Variants in MAP2 observed in about 807,000 individuals in gnomAD.
MAP2 encodes the protein microtubule-associated protein 2.
In MAP2, 14 loss-of-function variants were observed where a neutral mutation model predicts 137.6. The ratio of observed to expected loss-of-function variants is 0.10; its 90% confidence interval spans 0.07 to 0.16. The LOEUF is 0.16. Ranked by LOEUF, MAP2 falls within the 10% of genes least tolerant of loss-of-function variation. The probability of loss-of-function intolerance (pLI) is 1.00; values close to 1 mark genes in which losing one functional copy is unlikely to be tolerated. For synonymous variants in MAP2, 786 were observed against 782.3 expected (o/e 1.00, Z -0.08); for missense variants, 2,088 against 2,191.5 (o/e 0.95, Z 0.94).
At position 209,588,238 on chromosome 2, in the gene MAP2, CA is replaced by C. The variant is rs1281212415; in HGVS notation, c.-107+8139del. On this transcript the variant is annotated intron_variant, in intron 3 of 15. Coordinates refer to ENST00000682079, the MANE Select transcript of MAP2 (RefSeq NM_001375505.1). ...CCATGCATTCAATTGTTAAGAGTCT[CA>C]GAGTAGCACAGAATCATCTCTGGTC... Among the ~76,000 whole-genome samples, 11 of 152,340 alleles carry C rather than the reference CA, an allele frequency of 7.2e-5. No homozygotes were observed. In the East Asian group the frequency reaches 2.1e-3, roughly 29 times the overall value.
At chr2:209,597,613 G>A (rs2081624309) in intron 3 of MAP2, among the ~76,000 whole-genome samples, 1 of 152,186 alleles carries the variant, frequency 6.6e-6, no homozygotes, top group African/African-American at 2.4e-5. Context: ...ACCTTTCAAT[G>A]CTTCCCATAG....
At chr2:209,569,342 A>T (rs2074016148) in intron 2 of MAP2, among the ~76,000 whole-genome samples, 1 of 151,814 alleles carries the variant, frequency 6.6e-6, no homozygotes, top group Non-Finnish European at 1.5e-5. Context: ...GCATGCATGA[A>T]TGAATATTTA....
chr2:209,459,583 A>G (rs1210372610), intron 1 of MAP2, among the ~76,000 whole-genome samples: 3 of 152,144 alleles, frequency 2.0e-5, no homozygotes, highest in Non-Finnish European at 2.9e-5. Context: ...GCTCTCATAC[A>G]TGGGTTTCTA....
At chr2:209,562,872 G>C (rs1471530295) in intron 2 of MAP2, among the ~76,000 whole-genome samples, 1 of 152,082 alleles carries the variant, frequency 6.6e-6, no homozygotes, top group Non-Finnish European at 1.5e-5. Flanking sequence ...TAAAAATTGG[G>C]GGTCATGTTT....
At chr2:209,542,230 CTT>C (rs1222877113) in intron 2 of MAP2, among the ~76,000 whole-genome samples, 1 of 152,146 alleles carries the variant, frequency 6.6e-6, no homozygotes, top group Non-Finnish European at 1.5e-5. Context: ...TAAAAGAAAT[CTT>C]TTTTTCTGAG....
At chr2:209,481,589 T>G (rs1708796474) in intron 1 of MAP2, among the ~76,000 whole-genome samples, 1 of 152,170 alleles carries the variant, frequency 6.6e-6, no homozygotes, top group South Asian at 2.1e-4. Context: ...TTGGACTGTG[T>G]GTGGTCAACC....
intron 2 of MAP2, among the ~76,000 whole-genome samples, chr2:209,513,092 G>A (rs529484975): frequency 3.3e-5 from 5 of 152,266 alleles, no homozygotes; most frequent in Non-Finnish European, 5.9e-5. Flanking sequence ...CTTAAAAAAA[G>A]TGTAGAAAAT....
chr2:209,528,430 T>G (rs913297358), intron 2 of MAP2, among the ~76,000 whole-genome samples: 1 of 152,238 alleles, frequency 6.6e-6, no homozygotes, highest in Non-Finnish European at 1.5e-5. Flanking sequence ...AAAATTTTTA[T>G]GTACTAAATC....
chr2:209,570,894 T>C (rs1320208316), intron 2 of MAP2, among the ~76,000 whole-genome samples: 1 of 151,910 alleles, frequency 6.6e-6, no homozygotes, highest in Non-Finnish European at 1.5e-5. Context: ...CATTCTTTTG[T>C]CATAATAGCG....
intron 3 of MAP2, among the ~76,000 whole-genome samples, chr2:209,617,490 G>T (rs2089886027): frequency 1.3e-5 from 2 of 151,988 alleles, no homozygotes; most frequent in African/African-American, 4.8e-5. Flanking sequence ...TCTCTAAACT[G>T]ATTTTAGATT....
At chr2:209,424,593 G>C (rs1692011767) in intron 1 of MAP2, among the ~76,000 whole-genome samples, 1 of 152,196 alleles carries the variant, frequency 6.6e-6, no homozygotes, top group Non-Finnish European at 1.5e-5. Context: ...TACGTGTATC[G>C]AAAGCCAGTA....
At chr2:209,596,037 C>A (rs549276778) in intron 3 of MAP2, among the ~76,000 whole-genome samples, 2 of 151,788 alleles carry the variant, frequency 1.3e-5, no homozygotes, top group Admixed American at 1.3e-4. Context: ...CAAACCAACA[C>A]GGCACATGTA....
chr2:209,591,013 C>T (rs1168624583), intron 3 of MAP2, among the ~76,000 whole-genome samples: 2 of 152,168 alleles, frequency 1.3e-5, no homozygotes, highest in Admixed American at 6.6e-5. Context: ...AAAGAAGCCT[C>T]ATAAGACCAT....
At chr2:209,718,594 T>TA (rs2068750539) in intron 13 of MAP2, among the ~76,000 whole-genome samples, 1 of 152,096 alleles carries the variant, frequency 6.6e-6, no homozygotes, top group Non-Finnish European at 1.5e-5. Context: ...TTCTTCAGCA[T>TA]TATCTATTCA....
intron 13 of MAP2, 59 bp downstream of exon 13, chr2:209,710,313 A>G: frequency 2.2e-6 from 3 of 1,373,826 alleles, no homozygotes; most frequent in Non-Finnish European, 3.0e-6. Context: ...TGCCTTCTTC[A>G]TATTGAAAAC....
At chr2:209,683,741 C>A (rs2055809277) in intron 7 of MAP2, among the ~76,000 whole-genome samples, 1 of 152,086 alleles carries the variant, frequency 6.6e-6, no homozygotes, top group Non-Finnish European at 1.5e-5. Flanking sequence ...CTCCTTGATA[C>A]CCTCAAAGCA....
At chr2:209,501,123 A>T (rs1370892742) in intron 1 of MAP2, among the ~76,000 whole-genome samples, 1 of 151,962 alleles carries the variant, frequency 6.6e-6, no homozygotes, top group Non-Finnish European at 1.5e-5. Flanking sequence ...ATTTTTTTAA[A>T]TATAACTGCA....
chr2:209,477,193 T>C (rs1320675660), intron 1 of MAP2, among the ~76,000 whole-genome samples: 2 of 152,166 alleles, frequency 1.3e-5, no homozygotes, highest in Non-Finnish European at 2.9e-5. Flanking sequence ...TTGGAAACAA[T>C]GAAAGTGATC....
chr2:209,701,682 AGAT>A (rs1174442874), intron 11 of MAP2, among the ~76,000 whole-genome samples: 1 of 152,110 alleles, frequency 6.6e-6, no homozygotes, highest in Non-Finnish European at 1.5e-5. Flanking sequence ...TGTTGATAAA[AGAT>A]GATACTTGAT....
Sources: gnomAD v4.1 joint callset for allele counts (sites outside exome capture counted in the v4.1 genomes callset) on GRCh38, gnomAD v4.1.1 for gene constraint, MANE v1.5 for transcripts, NCBI Gene and HGNC (gene_info 2026-07-23, HGNC 2026-07-21) for gene names.